The following ANKRD55 variants were observed in gnomAD, a reference collection of about 807,000 sequenced individuals.
ANKRD55 encodes ankyrin repeat domain-containing protein 55.
A neutral mutation model predicts 60.6 loss-of-function variants in ANKRD55; 41 were observed. The ratio of observed to expected loss-of-function variants is 0.68; its 90% CI spans 0.53 to 0.88. The LOEUF (loss-of-function observed/expected upper bound fraction) is 0.88. Among genes scored for constraint, ANKRD55 ranks in the 40% least tolerant of loss-of-function variants. The pLI is 0.00. For synonymous variants in ANKRD55, 264 were observed against 290.3 expected (o/e 0.91, Z 0.92); for missense variants, 732 against 767.6 (o/e 0.95, Z 0.55).
At chr5:56,117,958 C>A (rs1756927983) in intron 8 of ANKRD55, among the ~76,000 whole-genome samples, 1 of 152,000 alleles carries the variant, frequency 6.6e-6, no homozygotes, top group African/African-American at 2.4e-5. Flanking sequence ...GCCTGGCCAA[C>A]AAGGCAAAAC....
At chr5:56,122,336 T>C (rs1757089597) in intron 8 of ANKRD55, among the ~76,000 whole-genome samples, 1 of 152,152 alleles carries the variant, frequency 6.6e-6, no homozygotes, top group Non-Finnish European at 1.5e-5. Flanking sequence ...CGTTTGATTC[T>C]ACACATAGTT....
At chr5:56,103,700 G>C (rs2111655324) in intron 10 of ANKRD55, among the ~76,000 whole-genome samples, 1 of 152,026 alleles carries the variant, frequency 6.6e-6, no homozygotes, top group East Asian at 1.9e-4. Context: ...TAGCTTATAG[G>C]GTAAAGTACT....
chr5:56,124,063 G>A (rs1454054739), intron 8 of ANKRD55, among the ~76,000 whole-genome samples: 1 of 152,158 alleles, frequency 6.6e-6, no homozygotes, highest in Admixed American at 6.5e-5. Flanking sequence ...ACTGAGGAAT[G>A]ATTAATGAAA....
chr5:56,166,138 C>CTTTCT (rs1395015477), intron 5 of ANKRD55, among the ~76,000 whole-genome samples: 1 of 98,974 alleles, frequency 1.0e-5, no homozygotes, highest in Non-Finnish European at 1.9e-5. Flanking sequence ...TTCTTTCTTT[C>CTTTCT]TTTCTTTCTT....
intron 2 of ANKRD55, among the ~76,000 whole-genome samples, chr5:56,227,202 G>A (rs920502088): frequency 6.6e-6 from 1 of 152,080 alleles, no homozygotes; most frequent in African/African-American, 2.4e-5. Context: ...CATGGATGAA[G>A]CTGGAAGCCA....
intron 10 of ANKRD55, among the ~76,000 whole-genome samples, chr5:56,109,792 C>T (rs1027322827): frequency 6.6e-5 from 10 of 152,226 alleles, no homozygotes; most frequent in Admixed American, 3.3e-4. Flanking sequence ...GAGGCTGGGA[C>T]GGGTGGATCA....
chr5:56,229,407 A>G lies in ANKRD55; in HGVS notation c.58+3449T>C, dbSNP rs115703095. ...TGAAGACCCAGGCTTCCTCCCTCAC[A>G]GTTTTGCAAAGCCAGCCAGAGACCA... On this transcript the variant is annotated intron_variant, in intron 2 of 11. Transcript: ENST00000341048. Among the ~76,000 whole-genome samples, 789 of 152,248 alleles carry G rather than the reference A, an allele frequency of 5.2e-3. 8 individuals carry two copies. The highest frequency in any genetic ancestry group is 0.018 in the African/African-American group (738 of 41,538).
intron 8 of ANKRD55, among the ~76,000 whole-genome samples, chr5:56,119,202 G>T (rs914735403): frequency 6.6e-6 from 1 of 152,148 alleles, no homozygotes; most frequent in East Asian, 1.9e-4. Flanking sequence ...AACAAACTGT[G>T]GTTCATCCTA....
chr5:56,185,610 G>C (rs1376011765), intron 2 of ANKRD55, among the ~76,000 whole-genome samples: 1 of 151,894 alleles, frequency 6.6e-6, no homozygotes, highest in African/African-American at 2.4e-5. Flanking sequence ...GGAGGTTGCG[G>C]TGAGCCCAGA....
intron 2 of ANKRD55, among the ~76,000 whole-genome samples, chr5:56,209,686 C>T (rs1759612991): frequency 6.6e-6 from 1 of 151,842 alleles, no homozygotes; most frequent in South Asian, 2.1e-4. Context: ...AGGATGGTCT[C>T]GATCTCCTGA....
chr5:56,102,387 T>C (rs1295858145), intron 11 of ANKRD55, 107 bp downstream of exon 11: 30 of 769,964 alleles, frequency 3.9e-5, no homozygotes, highest in Non-Finnish European at 4.8e-5. Context: ...CAAGACTCCA[T>C]CTCAAAAAAA....
intron 4 of ANKRD55, among the ~76,000 whole-genome samples, chr5:56,174,352 C>T (rs1302176309): frequency 6.6e-6 from 1 of 152,150 alleles, no homozygotes; most frequent in Non-Finnish European, 1.5e-5. Context: ...ATTCTATTTG[C>T]TAGTGGCAGT....
In ANKRD55 at chr5:56,135,299, CT is replaced by C. The variant is rs1561264015; in HGVS notation, c.613-8194del. Among the ~76,000 whole-genome samples the C allele has an allele frequency of 7.4e-3, 35 of 4,700 alleles. 1 individual carries two copies. Among genetic ancestry groups the C allele is most frequent in the South Asian group, 0.035 (6 of 172 alleles). 3.1% of individuals were successfully genotyped at this position (4,700 alleles called of 152,430 possible). On this transcript the variant is annotated intron_variant, in intron 7 of 11. Transcript: ENST00000341048. ...CCCTCCCTGCCTGCCTGCTTGCTTT[CT>C]TTCTTTCTTTCTTTCTTTCTTTCTT...
chr5:56,165,503 C>T (rs192907533), intron 5 of ANKRD55, among the ~76,000 whole-genome samples: 2 of 152,322 alleles, frequency 1.3e-5, no homozygotes, highest in African/African-American at 2.4e-5. Flanking sequence ...ATCATATCAT[C>T]ACGCCATCAT....
At chr5:56,151,873 G>GTA (rs1758058776) in intron 6 of ANKRD55, among the ~76,000 whole-genome samples, 1 of 148,600 alleles carries the variant, frequency 6.7e-6, no homozygotes, top group African/African-American at 2.5e-5. Flanking sequence ...ATATACGTGT[G>GTA]TATATATACA....
chr5:56,174,830 C>CAAAAAA (rs59849503), intron 4 of ANKRD55, among the ~76,000 whole-genome samples: 4 of 65,942 alleles, frequency 6.1e-5, no homozygotes, highest in Non-Finnish European at 1.4e-4. Context: ...GACTCTGTCT[C>CAAAAAA]AAAAAAAAAA....
At chr5:56,215,959 T>A (rs12654772) in intron 2 of ANKRD55, among the ~76,000 whole-genome samples, 13,776 of 150,314 alleles carry the variant, frequency 0.092, 1,110 homozygotes, top group African/African-American at 0.23. Context: ...CATGAATACA[T>A]CTTGGTGGCT....
At chr5:56,221,231 CT>C (rs1389429842) in intron 2 of ANKRD55, among the ~76,000 whole-genome samples, 1 of 152,186 alleles carries the variant, frequency 6.6e-6, no homozygotes, top group Non-Finnish European at 1.5e-5. Context: ...TCAAAATTTG[CT>C]TATTCTTCCT....
chr5:56,148,063 G>C (rs309623), intron 6 of ANKRD55, among the ~76,000 whole-genome samples: 110,626 of 152,196 alleles, frequency 0.73, 40,782 homozygotes, highest in Middle Eastern at 0.83. Context: ...GGCATATTCA[G>C]CATGGTATGC....
Sources: allele counts gnomAD v4.1 joint callset (sites outside exome capture counted in the v4.1 genomes callset), GRCh38; gene constraint gnomAD v4.1.1; transcripts MANE v1.5; gene names NCBI Gene and HGNC (gene_info 2026-07-23, HGNC 2026-07-21).